The following PRR16 variants were observed in gnomAD, a reference collection of about 807,000 sequenced individuals.
PRR16 encodes proline rich 16.
In PRR16, 6 loss-of-function variants were observed where a neutral mutation model predicts 18.2. That is an observed-to-expected ratio of 0.33 (90% CI 0.18 to 0.65). PRR16 has a LOEUF of 0.65. PRR16 is among the 30% of genes least tolerant of loss of function. The pLI is 0.74. For missense variants in PRR16, 412 were observed against 376.6 expected, an observed-to-expected ratio of 1.09 and a Z score of -0.78; for synonymous variants, 151 against 147.8, an observed-to-expected ratio of 1.02 and a Z score of -0.16.
At chr5:120,576,212 GAGATAAACT>G (rs1159782439) in intron 1 of PRR16, among the ~76,000 whole-genome samples, 1 of 152,072 alleles carries the variant, frequency 6.6e-6, no homozygotes, top group African/African-American at 2.4e-5. Context: ...TCGGAGTGAA[GAGATAAACT>G]ATGGACTGGG....
At chr5:120,527,140 C>A (rs1343560738) in intron 1 of PRR16, among the ~76,000 whole-genome samples, 1 of 152,016 alleles carries the variant, frequency 6.6e-6, no homozygotes, top group Non-Finnish European at 1.5e-5. Context: ...TGTAAAGGGC[C>A]AGATAGGAAC....
At chr5:120,649,699 A>G (rs1237971742) in intron 1 of PRR16, among the ~76,000 whole-genome samples, 3 of 152,114 alleles carry the variant, frequency 2.0e-5, no homozygotes, top group African/African-American at 7.2e-5. Context: ...AGATTAAGAA[A>G]ATATTTTACA....
chr5:120,700,670 A>G, the PRR16 span, among the ~76,000 whole-genome samples: 48,537 of 151,534 alleles, frequency 0.32, 8,246 homozygotes, highest in Middle Eastern at 0.45. Context: ...AAGCCTGGCC[A>G]TCAATACCCA....
At chr5:120,567,228 C>A (rs1460719854) in intron 1 of PRR16, among the ~76,000 whole-genome samples, 1 of 152,070 alleles carries the variant, frequency 6.6e-6, no homozygotes, top group Non-Finnish European at 1.5e-5. Context: ...AAAATGCATG[C>A]CCAGTCTATG....
chr5:120,536,822 T>C (rs901590032), intron 1 of PRR16, among the ~76,000 whole-genome samples: 1 of 152,218 alleles, frequency 6.6e-6, no homozygotes, highest in African/African-American at 2.4e-5. Context: ...TTGATTCAAA[T>C]ATAATTTTAA....
At chr5:120,711,892 C>A in the PRR16 span, among the ~76,000 whole-genome samples, 1 of 152,128 alleles carries the variant, frequency 6.6e-6, no homozygotes, top group Non-Finnish European at 1.5e-5. Context: ...TCTATGGAGC[C>A]CCTCCCATGG....
chr5:120,770,950 T>TCTCTCTCTCTCTCTCA, the PRR16 span, among the ~76,000 whole-genome samples: 7 of 148,870 alleles, frequency 4.7e-5, no homozygotes, highest in African/African-American at 1.5e-4. Context: ...TCTCTCTCTC[T>TCTCTCTCTCTCTCTCA]CACACACACA....
chr5:120,665,800 C>G (rs917457322), intron 1 of PRR16, among the ~76,000 whole-genome samples: 1 of 152,146 alleles, frequency 6.6e-6, no homozygotes, highest in Non-Finnish European at 1.5e-5. Flanking sequence ...GGTCTCTGTT[C>G]TGTTCCATTG....
intron 1 of PRR16, among the ~76,000 whole-genome samples, chr5:120,548,908 G>A (rs1231484434): frequency 6.9e-6 from 1 of 145,330 alleles, no homozygotes; most frequent in Non-Finnish European, 1.5e-5. Flanking sequence ...CCTGAGTGCT[G>A]AAAACATTGA....
At position 120,640,512 on chromosome 5, in the gene PRR16, G is replaced by C. The variant is rs142798692; in HGVS notation, c.160-45442G>C. On this transcript the variant is annotated intron_variant, in intron 1 of 1. Transcript: ENST00000407149. ...ATAATAGTCTTGTAATTCACCATCA[G>C]TGAAGTAGCAGTTTTTAAGGCAGTA... Among the ~76,000 whole-genome samples, 127 of 152,202 alleles carry C rather than the reference G, an allele frequency of 8.3e-4. 1 individual carries two copies. Among genetic ancestry groups the C allele is most frequent in the Non-Finnish European group, 1.1e-3 (73 of 68,014 alleles).
At chr5:120,740,488 T>C in the PRR16 span, among the ~76,000 whole-genome samples, 1 of 152,196 alleles carries the variant, frequency 6.6e-6, no homozygotes, top group African/African-American at 2.4e-5. Flanking sequence ...TACCACACTT[T>C]AGTACTGTAC....
chr5:120,521,038 T>G (rs2112651882), intron 1 of PRR16, among the ~76,000 whole-genome samples: 1 of 152,250 alleles, frequency 6.6e-6, no homozygotes, highest in Admixed American at 6.5e-5. Context: ...TGAACTGTGT[T>G]GTATTTGCGA....
intron 1 of PRR16, among the ~76,000 whole-genome samples, chr5:120,543,971 T>C (rs902894047): frequency 1.1e-4 from 17 of 152,198 alleles, no homozygotes; most frequent in African/African-American, 3.9e-4. Context: ...TCTTTGTTTT[T>C]TAATCATGAA....
the PRR16 span, among the ~76,000 whole-genome samples, chr5:120,789,754 A>C: frequency 6.6e-6 from 1 of 152,238 alleles, no homozygotes; most frequent in Non-Finnish European, 1.5e-5. Flanking sequence ...CTAAGTTATA[A>C]AATAATATAT....
chr5:120,785,862 C>T, the PRR16 span, among the ~76,000 whole-genome samples: 1 of 151,604 alleles, frequency 6.6e-6, no homozygotes, highest in Admixed American at 6.6e-5. Flanking sequence ...AGCTACCGCG[C>T]CTGGCCTAGA....
At chr5:120,466,327 C>A (rs192281001) in intron 1 of PRR16, among the ~76,000 whole-genome samples, 38 of 152,218 alleles carry the variant, frequency 2.5e-4, no homozygotes, top group Non-Finnish European at 5.6e-4. Flanking sequence ...ATGTTCCTTT[C>A]GGCAGAATTG....
chr5:120,735,878 T>A, the PRR16 span, among the ~76,000 whole-genome samples: 1 of 152,224 alleles, frequency 6.6e-6, no homozygotes, highest in Non-Finnish European at 1.5e-5. Context: ...TTTTGTGTTA[T>A]TCAAAAATCA....
the PRR16 span, among the ~76,000 whole-genome samples, chr5:120,717,878 A>G: frequency 2.0e-5 from 3 of 152,252 alleles, no homozygotes; most frequent in African/African-American, 7.2e-5. Flanking sequence ...GAATCTAAAT[A>G]GAAATACTTA....
At chr5:120,664,643 T>A (rs947062863) in intron 1 of PRR16, among the ~76,000 whole-genome samples, 5 of 151,972 alleles carry the variant, frequency 3.3e-5, no homozygotes, top group Non-Finnish European at 7.4e-5. Flanking sequence ...GAGTGTGATG[T>A]TCCCCTTCCT....
Sources: gnomAD v4.1 joint callset for allele counts (sites outside exome capture counted in the v4.1 genomes callset) on GRCh38, gnomAD v4.1.1 for gene constraint, MANE v1.5 for transcripts, NCBI Gene and HGNC (gene_info 2026-07-23, HGNC 2026-07-21) for gene names.